The following HIVEP3 variants were observed in gnomAD, a reference collection of about 807,000 sequenced individuals.
The protein encoded by HIVEP3 is transcription factor HIVEP3.
In HIVEP3, 49 loss-of-function variants were observed where a neutral mutation model predicts 152.8. The observed-to-expected ratio is 0.32, with a 90% CI of 0.26 to 0.41. The LOEUF (loss-of-function observed/expected upper bound fraction) is 0.41. HIVEP3 is among the 10% of genes least tolerant of loss of function. The pLI is 1.00. For missense variants in HIVEP3, 2,790 were observed against 3,103.3 expected (o/e 0.90, Z 2.40); for synonymous variants, 1,269 against 1,289.0 (o/e 0.98, Z 0.33).
chr1:41,895,991 T>C (rs975058123), intron 1 of HIVEP3, among the ~76,000 whole-genome samples: 12 of 152,208 alleles, frequency 7.9e-5, no homozygotes, highest in African/African-American at 2.9e-4. Context: ...TAATTGAATA[T>C]TATATACAAC....
In HIVEP3 at chr1:41,720,135, C is replaced by G. The variant is rs75734102; in HGVS notation, c.-800-19140G>C. On this transcript the variant is annotated intron_variant, in intron 1 of 8. Coordinates refer to ENST00000372583, the MANE Select transcript of HIVEP3 (RefSeq NM_024503.5). ...CCTACGTCTCCCCTCAAACATCCTC[C>G]CCACCCTCCATCTACATCGCAGATG... 1.4e-3 allele frequency among the ~76,000 whole-genome samples: 219 copies of G among 152,278 alleles called. 4 individuals carry two copies. In the East Asian group the frequency reaches 0.036, roughly 25 times the overall value.
Position 41,582,578 on chromosome 1 carries a change from G to C in HIVEP3, c.2220C>G (p.Pro740=). Residue 740 remains proline, a synonymous_variant, in exon 4 of 9, where the codon CCC becomes CCG. Transcript: ENST00000372583. The surrounding 1 kb of genome is among the most constrained non-coding windows in gnomAD (Gnocchi z 4.7). ...FESTKSQFGS[P]GPSDAARNLP... ...GGTTCCGAGCAGCATCAGATGGCCC[G>C]GGGCTGCCAAACTGACTTTTTGTGG... 6.2e-7 allele frequency: 1 copy of C among 1,612,266 alleles called. No homozygotes were observed. Among genetic ancestry groups the C allele is most frequent in the Non-Finnish European group, 8.5e-7 (1 of 1,179,000 alleles).
chr1:41,844,236 C>T (rs903910639), intron 1 of HIVEP3, among the ~76,000 whole-genome samples: 2 of 152,194 alleles, frequency 1.3e-5, no homozygotes, highest in African/African-American at 4.8e-5. Context: ...ACAACAACCC[C>T]TTCAGGGCTG....
intron 1 of HIVEP3, among the ~76,000 whole-genome samples, chr1:41,980,917 A>C (rs899614337): frequency 5.3e-5 from 8 of 152,210 alleles, no homozygotes; most frequent in African/African-American, 1.9e-4. Context: ...CAAATACTCC[A>C]TGAGGAATGT....
chr1:41,565,398 T>G (rs1002508107), intron 5 of HIVEP3, among the ~76,000 whole-genome samples: 2 of 137,736 alleles, frequency 1.5e-5, no homozygotes, highest in African/African-American at 2.7e-5. Flanking sequence ...GACCGGTGGG[T>G]GGGTGGGGGT....
chr1:41,927,125 T>C (rs942736402), intron 1 of HIVEP3, among the ~76,000 whole-genome samples: 4 of 152,336 alleles, frequency 2.6e-5, no homozygotes, highest in South Asian at 2.1e-4. Context: ...AGCAAAGTGA[T>C]TGGAGTATTT....
intron 1 of HIVEP3, among the ~76,000 whole-genome samples, chr1:41,912,939 G>C (rs1369622338): frequency 1.3e-5 from 2 of 152,156 alleles, no homozygotes; most frequent in East Asian, 3.9e-4. Context: ...AGTTATTTGT[G>C]AACAACCCCT....
chr1:41,640,794 G>A (rs543491889), intron 2 of HIVEP3, among the ~76,000 whole-genome samples: 1 of 152,208 alleles, frequency 6.6e-6, no homozygotes, highest in Non-Finnish European at 1.5e-5. Context: ...CTACGGTCAG[G>A]CTCCATCATC....
intron 1 of HIVEP3, among the ~76,000 whole-genome samples, chr1:41,840,387 C>T (rs1429734619): frequency 2.0e-5 from 3 of 152,050 alleles, no homozygotes; most frequent in African/African-American, 7.2e-5. Context: ...GAGGCCGAGA[C>T]CTGATGACAT....
At chr1:41,672,912 G>C (rs1245083111) in intron 2 of HIVEP3, among the ~76,000 whole-genome samples, 1 of 152,228 alleles carries the variant, frequency 6.6e-6, no homozygotes, top group Non-Finnish European at 1.5e-5. Flanking sequence ...TGATTTAAGT[G>C]TTAAGGAATC....
chr1:41,817,433 G>T (rs1345695765), intron 1 of HIVEP3, among the ~76,000 whole-genome samples: 2 of 152,180 alleles, frequency 1.3e-5, no homozygotes, highest in East Asian at 3.9e-4. Flanking sequence ...CGGGGTGGAA[G>T]TGAGCCAGAG....
chr1:41,860,798 T>C (rs1294291767), intron 1 of HIVEP3, among the ~76,000 whole-genome samples: 1 of 152,224 alleles, frequency 6.6e-6, no homozygotes, highest in Non-Finnish European at 1.5e-5. Context: ...TCTCTTAAAT[T>C]ACTCCACTAA....
chr1:41,533,054 T>A lies in HIVEP3; in HGVS notation c.5208-8144A>T, dbSNP rs1643308125. Among the ~76,000 whole-genome samples, 1 of 152,030 alleles carries A rather than the reference T, an allele frequency of 6.6e-6. No individual in the cohort carries two copies. Among genetic ancestry groups the A allele is most frequent in the Non-Finnish European group, 1.5e-5 (1 of 67,996 alleles). ...AGGAGGAGGGGCCCATGGCTGGACA[T>A]CCCAGAGAGCTTGAGGAAGACGGCT... On this transcript the variant is annotated intron_variant, in intron 5 of 8. Transcript: ENST00000372583. The surrounding 1 kb of genome is among the most constrained non-coding windows in gnomAD (Gnocchi z 4.3).
intron 5 of HIVEP3, among the ~76,000 whole-genome samples, chr1:41,573,408 G>C (rs1644280494): frequency 6.6e-6 from 1 of 152,174 alleles, no homozygotes; most frequent in Non-Finnish European, 1.5e-5. Context: ...CATGAATGTA[G>C]AAGAATCACC....
At chr1:42,030,282 T>C (rs1645605884) in intron 1 of HIVEP3, among the ~76,000 whole-genome samples, 1 of 152,216 alleles carries the variant, frequency 6.6e-6, no homozygotes, top group Admixed American at 6.5e-5. Context: ...TCAGCTATCA[T>C]TAATGTTAGC....
At chr1:41,817,465 A>C (rs1642445503) in intron 1 of HIVEP3, among the ~76,000 whole-genome samples, 1 of 152,194 alleles carries the variant, frequency 6.6e-6, no homozygotes, top group African/African-American at 2.4e-5. Flanking sequence ...GAGGTTCCTT[A>C]CGTGGGATGC....
chr1:41,625,412 C>T (rs1645103519), intron 3 of HIVEP3, among the ~76,000 whole-genome samples: 2 of 152,088 alleles, frequency 1.3e-5, no homozygotes, highest in South Asian at 4.1e-4. Context: ...GGCTATGTTC[C>T]AATAAAACTT....
chr1:41,768,613 G>T (rs145625408), intron 1 of HIVEP3, among the ~76,000 whole-genome samples: 1 of 152,208 alleles, frequency 6.6e-6, no homozygotes, highest in South Asian at 2.1e-4. Context: ...TTGTTAACCA[G>T]CTTCCCTTGT....
intron 2 of HIVEP3, among the ~76,000 whole-genome samples, chr1:41,693,882 A>G (rs912443730): frequency 6.6e-6 from 1 of 152,186 alleles, no homozygotes; most frequent in African/African-American, 2.4e-5. Context: ...TTTAGAACAC[A>G]TCAGGAATCA....
Sources: gnomAD v4.1 joint callset for allele counts (sites outside exome capture counted in the v4.1 genomes callset) on GRCh38, gnomAD v4.1.1 for gene constraint, Gnocchi (gnomAD v3.1) non-coding constraint, MANE v1.5 for transcripts, NCBI Gene and HGNC (gene_info 2026-07-23, HGNC 2026-07-21) for gene names.